The following DNAJC3 variants were observed in gnomAD, a reference collection of about 807,000 sequenced individuals.
The protein encoded by DNAJC3 is DnaJ heat shock protein family (Hsp40) member C3.
DNAJC3 carries 38 observed loss-of-function variants against 68.6 expected under a neutral mutation model. The ratio of observed to expected loss-of-function variants is 0.55; its 90% CI spans 0.43 to 0.73. DNAJC3 has a LOEUF of 0.73. Ranked by LOEUF, DNAJC3 falls within the 30% of genes least tolerant of loss-of-function variation. The pLI is 0.00. For synonymous variants in DNAJC3, 203 were observed against 204.0 expected (o/e 1.00, Z 0.04); for missense variants, 526 against 591.9 (o/e 0.89, Z 1.16).
chr13:95,747,342 G>A (rs1314351832), intron 4 of DNAJC3, among the ~76,000 whole-genome samples: 1 of 152,194 alleles, frequency 6.6e-6, no homozygotes, highest in Non-Finnish European at 1.5e-5. Context: ...GAAGGGTCTG[G>A]ATTCAAGAAG....
At chr13:95,776,259 G>A (rs918308878) in intron 9 of DNAJC3, among the ~76,000 whole-genome samples, 1 of 152,042 alleles carries the variant, frequency 6.6e-6, no homozygotes, top group African/African-American at 2.4e-5. Context: ...GAAATTCAGA[G>A]GAAAAATGAA....
chr13:95,772,686 C>T (rs940313096), intron 9 of DNAJC3, among the ~76,000 whole-genome samples: 4 of 152,188 alleles, frequency 2.6e-5, no homozygotes, highest in African/African-American at 9.7e-5. Flanking sequence ...AAGCATTCTG[C>T]ACATGCTTAC....
intron 4 of DNAJC3, among the ~76,000 whole-genome samples, chr13:95,756,627 T>C (rs1384011382): frequency 1.3e-5 from 2 of 152,206 alleles, no homozygotes; most frequent in Non-Finnish European, 2.9e-5. Flanking sequence ...GATTGACTCA[T>C]TGAGGAGGGA....
intron 2 of DNAJC3, among the ~76,000 whole-genome samples, chr13:95,721,921 G>T (rs1018260909): frequency 6.6e-6 from 1 of 152,020 alleles, no homozygotes; most frequent in Non-Finnish European, 1.5e-5. Flanking sequence ...TTCTTCTATT[G>T]TAATGTTTTC....
At chr13:95,739,113 G>T (rs1882036385) in intron 4 of DNAJC3, among the ~76,000 whole-genome samples, 1 of 152,056 alleles carries the variant, frequency 6.6e-6, no homozygotes, top group South Asian at 2.1e-4. Context: ...GCAATTCTGG[G>T]TTGAAAATTC....
chr13:95,766,859 G>A (rs1180775564), intron 9 of DNAJC3, among the ~76,000 whole-genome samples: 2 of 151,978 alleles, frequency 1.3e-5, no homozygotes, highest in African/African-American at 2.4e-5. Flanking sequence ...GTGCCACCAT[G>A]CCTGGCTAAT....
Position 95,760,750 on chromosome 13 carries a change from A to C in DNAJC3, c.800A>C (p.Lys267Thr). The C allele has an allele frequency of 6.2e-7, 1 of 1,612,960 alleles. No homozygotes were observed. The highest frequency in any genetic ancestry group is 8.5e-7 in the Non-Finnish European group (1 of 1,179,490). ...TTTGCACACTATAAACAAGTAAAGA[A>C]ACTTAATAAGCTGATTGAGTCAGCT... ...RCFAHYKQVK[K>T]LNKLIESAEE... is the part of the protein sequence containing the mutation. The change falls in exon 7 of 12, where the codon AAA becomes ACA. Residue 267 changes from lysine (K) to threonine (T), a missense_variant. By Grantham distance (78) the Lys-to-Thr change is moderately conservative. Transcript: ENST00000602402.
intron 4 of DNAJC3, among the ~76,000 whole-genome samples, chr13:95,752,573 TTTGATGTTCCACAAAAC>T (rs1391008814): frequency 3.9e-5 from 6 of 152,218 alleles, no homozygotes; most frequent in Non-Finnish European, 5.9e-5. Context: ...AGTATTCTTC[TTTGATGTTCCACAAAAC>T]TCCACTCGCG....
chr13:95,709,179 A>G (rs773202476), intron 1 of DNAJC3, 48 bp from the exon 2 acceptor site: 5 of 1,330,694 alleles, frequency 3.8e-6, no homozygotes, highest in Middle Eastern at 3.9e-4. Flanking sequence ...TTAGAATTAA[A>G]TCTTAGTTCG....
chr13:95,782,280 T>C (rs1355438501), intron 9 of DNAJC3, among the ~76,000 whole-genome samples: 1 of 152,218 alleles, frequency 6.6e-6, no homozygotes, highest in African/African-American at 2.4e-5. Context: ...GCATGTGTCT[T>C]TATAGTAGAA....
chr13:95,745,893 C>T (rs1476032669), intron 4 of DNAJC3: 1 of 152,236 alleles, frequency 6.6e-6, no homozygotes, highest in Non-Finnish European at 1.5e-5. Flanking sequence ...TGACTTTGTA[C>T]TTCAGCCATG....
At chr13:95,701,757 TAC>T (rs1880591967) in intron 1 of DNAJC3, among the ~76,000 whole-genome samples, 3 of 152,258 alleles carry the variant, frequency 2.0e-5, no homozygotes, top group African/African-American at 7.2e-5. Context: ...CTTAAACTGT[TAC>T]TAGTGTGACT....
At chr13:95,726,349 T>G in intron 4 of DNAJC3, among the ~76,000 whole-genome samples, 1 of 152,348 alleles carries the variant, frequency 6.6e-6, no homozygotes, top group East Asian at 1.9e-4. Context: ...GTTTCCTGAC[T>G]TTTTAATGAT....
At chr13:95,771,086 T>A (rs911880261) in intron 9 of DNAJC3, among the ~76,000 whole-genome samples, 3 of 152,222 alleles carry the variant, frequency 2.0e-5, no homozygotes, top group Non-Finnish European at 4.4e-5. Flanking sequence ...GCCCTCCATT[T>A]ATCCATCAGT....
At position 95,786,033 on chromosome 13, in the gene DNAJC3, G is replaced by A. The variant is rs575812442; in HGVS notation, c.1170G>A (p.Ser390=). 8 of 1,608,402 alleles carry A rather than the reference G, an allele frequency of 5.0e-6. No homozygotes were observed. The highest frequency in any genetic ancestry group is 2.2e-5 in the South Asian group (2 of 89,260). The change falls in exon 10 of 12, where the codon TCG becomes TCA. Residue 390 remains serine, a synonymous_variant. Coordinates refer to ENST00000602402, the MANE Select transcript of DNAJC3 (RefSeq NM_006260.5). ...AAGCACAAAGATTATTGAAACAGTC[G>A]CAGAAACGAGATTATTATAAAATCT... ...LEKAQRLLKQ[S]QKRDYYKILG...
intron 4 of DNAJC3, among the ~76,000 whole-genome samples, chr13:95,748,816 AAAAC>A (rs751954606): frequency 9.2e-5 from 14 of 152,344 alleles, no homozygotes; most frequent in African/African-American, 1.4e-4. Flanking sequence ...ACTCCGTCTC[AAAAC>A]AAACAAACAA....
intron 4 of DNAJC3, among the ~76,000 whole-genome samples, chr13:95,735,697 G>A (rs1308437300): frequency 6.7e-6 from 1 of 149,904 alleles, no homozygotes; most frequent in African/African-American, 2.5e-5. Flanking sequence ...ATTTGTTTGA[G>A]TTCATTGTAG....
At chr13:95,764,072 A>T (rs1882902073) in intron 9 of DNAJC3, 119 bp downstream of exon 9, 1 of 1,454,100 alleles carries the variant, frequency 6.9e-7, no homozygotes, top group South Asian at 1.4e-5. Context: ...TGACAATTTT[A>T]GAAAAATGGC....
chr13:95,737,295 GT>G (rs1881958585), intron 4 of DNAJC3, among the ~76,000 whole-genome samples: 1 of 152,060 alleles, frequency 6.6e-6, no homozygotes, highest in Non-Finnish European at 1.5e-5. Context: ...TTTTTGTTGT[GT>G]CCCTGCCTGG....
Sources: gnomAD v4.1 joint callset for allele counts (sites outside exome capture counted in the v4.1 genomes callset) on GRCh38, gnomAD v4.1.1 for gene constraint, MANE v1.5 for transcripts, NCBI Gene and HGNC (gene_info 2026-07-23, HGNC 2026-07-21) for gene names.